Variants in CNTNAP4 observed in about 807,000 individuals in gnomAD.
CNTNAP4 encodes contactin associated protein family member 4.
A neutral mutation model predicts 148.4 loss-of-function variants in CNTNAP4; 98 were observed. The ratio of observed to expected loss-of-function variants is 0.66; its 90% CI spans 0.56 to 0.78. The LOEUF (loss-of-function observed/expected upper bound fraction) is 0.78. CNTNAP4 is among the 30% of genes least tolerant of loss of function. The pLI, the probability that CNTNAP4 is intolerant of heterozygous loss-of-function variation, is 0.00. For missense variants in CNTNAP4, 1,935 were observed against 1,565.6 expected, an observed-to-expected ratio of 1.24 and a Z score of -3.98; for synonymous variants, 730 against 565.1, an observed-to-expected ratio of 1.29 and a Z score of -4.14.
chr16:76,499,036 A>T (rs948352847), intron 15 of CNTNAP4, among the ~76,000 whole-genome samples: 14 of 150,886 alleles, frequency 9.3e-5, no homozygotes, highest in African/African-American at 3.4e-4. Context: ...AATGGTAAAA[A>T]TTTCAAATTT....
intron 3 of CNTNAP4, among the ~76,000 whole-genome samples, chr16:76,415,752 C>G (rs1418881137): frequency 6.6e-6 from 1 of 151,142 alleles, no homozygotes; most frequent in East Asian, 1.9e-4. Context: ...AGCTTTCTGT[C>G]ACTGTAGAGT....
intron 17 of CNTNAP4, among the ~76,000 whole-genome samples, chr16:76,526,292 T>C (rs936425342): frequency 1.3e-5 from 2 of 152,038 alleles, no homozygotes; most frequent in African/African-American, 2.4e-5. Flanking sequence ...ACAATGTGGC[T>C]GGAAAGAATC....
At chr16:76,488,323 TC>T (rs1331236646) in intron 12 of CNTNAP4, among the ~76,000 whole-genome samples, 1 of 152,164 alleles carries the variant, frequency 6.6e-6, no homozygotes, top group Non-Finnish European at 1.5e-5. Context: ...TAGATTAAGT[TC>T]TGTTTGAGAG....
At position 76,462,071 on chromosome 16, in the gene CNTNAP4, G is replaced by A. The variant is rs767041077; in HGVS notation, c.1449G>A (p.Glu483=). 8 of 1,613,790 alleles carry A rather than the reference G, an allele frequency of 5.0e-6. No individual in the cohort carries two copies. The highest frequency in any genetic ancestry group is 6.8e-6 in the Non-Finnish European group (8 of 1,179,810). ...CTGCTGCTCCTCTGCTGGGGCCTGA[G>A]CAGATTTATTCGGGTGGCACCTATT... ...MASAAPLLGP[E]QIYSGGTYYF... Residue 483 remains glutamate, a synonymous_variant, in exon 9 of 24, where the codon GAG becomes GAA. Coordinates refer to ENST00000611870, the MANE Select transcript of CNTNAP4 (RefSeq NM_033401.5).
In CNTNAP4 at chr16:76,411,133, G is replaced by C. The variant is rs927395248; in HGVS notation, c.391-16319G>C. ...CATCAGTTCTGAACTCTATGAAACA[G>C]TAAGGGCTGATTCAACTCTATCCAA... On this transcript the variant is annotated intron_variant, in intron 3 of 23. Coordinates refer to ENST00000611870, the MANE Select transcript of CNTNAP4 (RefSeq NM_033401.5). Among the ~76,000 whole-genome samples the C allele has an allele frequency of 7.3e-5, 11 of 151,412 alleles. No homozygotes were observed. The Admixed American group carries it at 7.3e-4, about 10-fold the overall frequency.
At chr16:76,299,588 G>A (rs1036589255) in intron 1 of CNTNAP4, among the ~76,000 whole-genome samples, 3 of 152,080 alleles carry the variant, frequency 2.0e-5, no homozygotes, top group Non-Finnish European at 2.9e-5. Flanking sequence ...TCAGTGTGGC[G>A]ATTCCTCAGG....
intron 1 of CNTNAP4, among the ~76,000 whole-genome samples, chr16:76,280,791 G>C (rs1207866961): frequency 6.6e-6 from 1 of 152,084 alleles, no homozygotes; most frequent in Admixed American, 6.6e-5. Flanking sequence ...ATTAAGAACA[G>C]AGACATTTCT....
chr16:76,462,292 T>TC (rs1407171638), intron 9 of CNTNAP4, among the ~76,000 whole-genome samples, 187 bp downstream of exon 9: 3 of 152,182 alleles, frequency 2.0e-5, no homozygotes, highest in African/African-American at 7.2e-5. Flanking sequence ...TTCTGCAAGG[T>TC]GGACTTACTT....
At chr16:76,495,223 G>C (rs1567115) in intron 14 of CNTNAP4, 157 bp downstream of exon 14, 607,130 of 711,530 alleles carry the variant, frequency 0.85, 263,368 homozygotes, top group East Asian at 0.96. Flanking sequence ...CAATATAATC[G>C]TTAGTATTAA....
intron 3 of CNTNAP4, among the ~76,000 whole-genome samples, chr16:76,381,034 C>T (rs1038623623): frequency 6.6e-6 from 1 of 152,180 alleles, no homozygotes; most frequent in Non-Finnish European, 1.5e-5. Context: ...TTCTCCATAC[C>T]TTTGAAACTC....
chr16:76,283,241 T>G (rs1279585640), intron 1 of CNTNAP4, among the ~76,000 whole-genome samples: 2 of 152,004 alleles, frequency 1.3e-5, no homozygotes, highest in Non-Finnish European at 2.9e-5. Context: ...GCTATTCTAC[T>G]TCAGATTAAA....
chr16:76,452,910 C>T (rs2080568362), intron 8 of CNTNAP4, 141 bp downstream of exon 8: 1 of 770,410 alleles, frequency 1.3e-6, no homozygotes, highest in African/African-American at 1.8e-5. Flanking sequence ...AAGTACTCTT[C>T]CTTAGAGGAA....
chr16:76,462,737 T>C (rs895299730), intron 9 of CNTNAP4, among the ~76,000 whole-genome samples: 3 of 152,192 alleles, frequency 2.0e-5, no homozygotes, highest in African/African-American at 7.2e-5. Flanking sequence ...GAAATGAATT[T>C]TTTATCACTG....
chr16:76,550,602 C>G, intron 21 of CNTNAP4, among the ~76,000 whole-genome samples: 1 of 151,846 alleles, frequency 6.6e-6, no homozygotes. Flanking sequence ...GTGAAAAGCA[C>G]TCTCCCAATT....
At chr16:76,395,856 G>A (rs1300541196) in intron 3 of CNTNAP4, among the ~76,000 whole-genome samples, 4 of 151,798 alleles carry the variant, frequency 2.6e-5, no homozygotes, top group Non-Finnish European at 4.4e-5. Context: ...AGCCTCCCTA[G>A]TAGCTAGGAC....
chr16:76,488,908 C>T (rs2082116888), intron 12 of CNTNAP4, among the ~76,000 whole-genome samples: 1 of 152,048 alleles, frequency 6.6e-6, no homozygotes, highest in African/African-American at 2.4e-5. Context: ...ATTCAGGCAC[C>T]AATAGTGATA....
At chr16:76,549,033 C>T (rs888943822) in intron 21 of CNTNAP4, among the ~76,000 whole-genome samples, 2 of 152,202 alleles carry the variant, frequency 1.3e-5, no homozygotes, top group Admixed American at 6.5e-5. Context: ...ACCCCACCGA[C>T]GCTTCTGAAA....
At chr16:76,528,871 C>T (rs1426177281) in intron 17 of CNTNAP4, among the ~76,000 whole-genome samples, 1 of 152,144 alleles carries the variant, frequency 6.6e-6, no homozygotes, top group African/African-American at 2.4e-5. Context: ...TAGCATTAGC[C>T]TACATCACCC....
intron 1 of CNTNAP4, among the ~76,000 whole-genome samples, chr16:76,285,649 T>A (rs1213624262): frequency 6.6e-6 from 1 of 152,122 alleles, no homozygotes; most frequent in African/African-American, 2.4e-5. Context: ...AAAAGCACCA[T>A]GTAAATATAT....
Sources: allele counts gnomAD v4.1 joint callset (sites outside exome capture counted in the v4.1 genomes callset), GRCh38; gene constraint gnomAD v4.1.1; transcripts MANE v1.5; gene names NCBI Gene and HGNC (gene_info 2026-07-23, HGNC 2026-07-21).